The following DYM variants were observed in gnomAD, a reference collection of about 807,000 sequenced individuals.
DYM encodes dyggve-Melchior-Clausen syndrome protein.
A neutral mutation model predicts 93.1 loss-of-function variants in DYM; 78 were observed. The ratio of observed to expected loss-of-function variants is 0.84; its 90% CI spans 0.70 to 1.01. The LOEUF (loss-of-function observed/expected upper bound fraction) is 1.01. Among genes scored for constraint, DYM ranks in the 50% least tolerant of loss-of-function variants. DYM has a pLI of 0.00. For missense variants in DYM, 789 were observed against 845.0 expected (o/e 0.93, Z 0.82); for synonymous variants, 321 against 319.7 (o/e 1.00, Z -0.04).
At chr18:49,317,329 G>A (rs757052759) in intron 8 of DYM, among the ~76,000 whole-genome samples, 4 of 152,146 alleles carry the variant, frequency 2.6e-5, no homozygotes, top group Non-Finnish European at 5.9e-5. Context: ...ACAATTTTTG[G>A]TAGAAAGTTA....
At chr18:49,290,082 T>C (rs1311967384) in intron 8 of DYM, among the ~76,000 whole-genome samples, 2 of 151,298 alleles carry the variant, frequency 1.3e-5, no homozygotes, top group East Asian at 1.9e-4. Flanking sequence ...TTTTTTTCTA[T>C]ACCAAGGAAT....
At chr18:49,457,393 G>T (rs375387229) in intron 1 of DYM, among the ~76,000 whole-genome samples, 1 of 152,056 alleles carries the variant, frequency 6.6e-6, no homozygotes, top group Non-Finnish European at 1.5e-5. Context: ...AGACCAAAAC[G>T]AAATATAGAA....
intron 13 of DYM, among the ~76,000 whole-genome samples, chr18:49,215,034 T>C (rs780928780): frequency 2.6e-5 from 4 of 152,246 alleles, no homozygotes; most frequent in African/African-American, 9.6e-5. Context: ...AAGAACTCTC[T>C]AGTTTGACAA....
chr18:49,169,523 C>T (rs536421887), intron 14 of DYM, among the ~76,000 whole-genome samples: 3 of 152,140 alleles, frequency 2.0e-5, no homozygotes, highest in Admixed American at 6.5e-5. Flanking sequence ...GAAAGCCAGA[C>T]GTGTTCTATG....
chr18:49,187,860 T>C (rs568087291), intron 14 of DYM, among the ~76,000 whole-genome samples: 2 of 152,300 alleles, frequency 1.3e-5, no homozygotes, highest in Non-Finnish European at 2.9e-5. Context: ...GGCTTCTTTA[T>C]GCTAAAAAAC....
At chr18:49,336,352 G>A (rs1275533249) in intron 6 of DYM, among the ~76,000 whole-genome samples, 1 of 152,150 alleles carries the variant, frequency 6.6e-6, no homozygotes, top group Non-Finnish European at 1.5e-5. Context: ...AACACAATCA[G>A]AAGTGAGAGA....
At chr18:49,181,947 C>G (rs938082243) in intron 14 of DYM, among the ~76,000 whole-genome samples, 5 of 152,078 alleles carry the variant, frequency 3.3e-5, no homozygotes, top group African/African-American at 1.2e-4. Context: ...TCAGGCTATA[C>G]CTTCCCCTTA....
chr18:49,411,285 A>G (rs1381234040), intron 2 of DYM, among the ~76,000 whole-genome samples: 1 of 152,216 alleles, frequency 6.6e-6, no homozygotes. Context: ...GTTGTGTCAC[A>G]CATAAATTAT....
intron 8 of DYM, among the ~76,000 whole-genome samples, chr18:49,320,598 C>G (rs993434938): frequency 6.6e-6 from 1 of 152,132 alleles, no homozygotes; most frequent in South Asian, 2.1e-4. Flanking sequence ...TCTCAGCCTA[C>G]AGAATAGCTG....
intron 9 of DYM, among the ~76,000 whole-genome samples, chr18:49,285,628 T>C (rs889870564): frequency 6.6e-6 from 1 of 152,238 alleles, no homozygotes; most frequent in African/African-American, 2.4e-5. Flanking sequence ...CTACACCACA[T>C]AGCCTAGTTG....
intron 6 of DYM, among the ~76,000 whole-genome samples, chr18:49,341,472 A>G (rs558904973): frequency 7.5e-6 from 1 of 132,598 alleles, no homozygotes; most frequent in South Asian, 2.6e-4. Flanking sequence ...AGCCTGGGCT[A>G]CAGAGTGAGA....
intron 8 of DYM, 32 bp downstream of exon 8, chr18:49,331,832 C>T (rs1406980777): frequency 2.5e-6 from 4 of 1,613,168 alleles, no homozygotes; most frequent in Middle Eastern, 1.7e-4. Flanking sequence ...TTTATGTGCA[C>T]CAAAGAATTG....
intron 15 of DYM, among the ~76,000 whole-genome samples, chr18:49,144,441 C>T (rs879646987): frequency 3.9e-5 from 6 of 152,094 alleles, no homozygotes; most frequent in Non-Finnish European, 5.9e-5. Context: ...TTAGGGTTTG[C>T]AAAATAGTGA....
chr18:49,214,576 GAT>G (rs2092941011), intron 13 of DYM, among the ~76,000 whole-genome samples: 1 of 149,742 alleles, frequency 6.7e-6, no homozygotes, highest in Non-Finnish European at 1.5e-5. Flanking sequence ...AAAAAAAAAA[GAT>G]AAATTTGTTA....
chr18:49,080,426 G>A (rs1251307914), intron 17 of DYM, among the ~76,000 whole-genome samples: 3 of 132,002 alleles, frequency 2.3e-5, no homozygotes, highest in Non-Finnish European at 4.9e-5. Flanking sequence ...TGGCTGGCCC[G>A]GCAGAGGGGC....
chr18:49,319,414 C>A lies in DYM; in HGVS notation c.763+12450G>T, dbSNP rs781556987. The stretch of plus-strand genomic sequence containing the variant: ...TAATAATCTAAAAAAGGGGAAATTA[C>A]ATTAATTTTGCAGGTAATTTTGCAA... On this transcript the variant is annotated intron_variant, in intron 8 of 17. Transcript: ENST00000675505. 7.9e-5 allele frequency among the ~76,000 whole-genome samples: 12 copies of A among 152,102 alleles called. No homozygotes were observed. The Middle Eastern group carries it at 0.01, about 129-fold the overall frequency.
At chr18:49,286,168 G>C (rs2059650305) in intron 9 of DYM, among the ~76,000 whole-genome samples, 1 of 152,008 alleles carries the variant, frequency 6.6e-6, no homozygotes, top group Admixed American at 6.6e-5. Flanking sequence ...ATCCCTAACA[G>C]GTAGTACAGA....
Position 49,226,287 on chromosome 18 carries a change from G to C in DYM, c.1461-16572C>G, listed in dbSNP as rs371929371. Among the ~76,000 whole-genome samples, 20 of 152,018 alleles carry C rather than the reference G, an allele frequency of 1.3e-4. No homozygotes were observed. In the South Asian group the frequency reaches 4.2e-3, roughly 32 times the overall value. On this transcript the variant is annotated intron_variant, in intron 13 of 17. Coordinates refer to ENST00000675505, the MANE Select transcript of DYM (RefSeq NM_001353214.3). Reference sequence around the variant, plus strand: ...CTATATTTACAGGTGTAGATAAACAGATCAATTTATTACCAGCATTCCTTC... The same window carrying C: ...CTATATTTACAGGTGTAGATAAACACATCAATTTATTACCAGCATTCCTTC...
At chr18:49,281,502 A>G (rs1788181682) in intron 10 of DYM, among the ~76,000 whole-genome samples, 1 of 152,246 alleles carries the variant, frequency 6.6e-6, no homozygotes, top group African/African-American at 2.4e-5. Context: ...ACACATGCAC[A>G]CGCATGTTTA....
Sources: allele counts gnomAD v4.1 joint callset (sites outside exome capture counted in the v4.1 genomes callset), GRCh38; gene constraint gnomAD v4.1.1; transcripts MANE v1.5; gene names NCBI Gene and HGNC (gene_info 2026-07-23, HGNC 2026-07-21).